Variants in PLCD4 observed in about 807,000 individuals in gnomAD.
PLCD4 encodes the protein 1-phosphatidylinositol 4,5-bisphosphate phosphodiesterase delta-4.
In PLCD4, 63 loss-of-function variants were observed where a neutral mutation model predicts 90.2. The ratio of observed to expected loss-of-function variants is 0.70; its 90% CI spans 0.57 to 0.86. The LOEUF is 0.86. Ranked by LOEUF, PLCD4 falls within the 40% of genes least tolerant of loss-of-function variation. The pLI is 0.00. For synonymous variants in PLCD4, 294 were observed against 356.5 expected (o/e 0.82, Z 1.97); for missense variants, 830 against 956.3 (o/e 0.87, Z 1.74).
chr2:218,633,963 A>G (rs1245192452), intron 11 of PLCD4, 142 bp from the exon 12 acceptor site: 2 of 1,272,748 alleles, frequency 1.6e-6, no homozygotes, highest in African/African-American at 3.0e-5. Flanking sequence ...GTCTGGATGG[A>G]CAGAGTAGAG....
chr2:218,615,654 C>T (rs1019297830), intron 1 of PLCD4, 53 bp from the exon 2 acceptor site: 10 of 1,457,558 alleles, frequency 6.9e-6, no homozygotes, highest in African/African-American at 1.4e-5. Context: ...AAATCAGCTA[C>T]AGACTATCTT....
intron 11 of PLCD4, 115 bp downstream of exon 11, chr2:218,633,876 GTT>G: frequency 2.7e-6 from 3 of 1,121,244 alleles, no homozygotes; most frequent in Non-Finnish European, 3.9e-6. Flanking sequence ...AGATGAAGGA[GTT>G]CAGAAACTCC....
At chr2:218,630,837 G>A in intron 9 of PLCD4, 35 bp downstream of exon 9, 1 of 1,569,540 alleles carries the variant, frequency 6.4e-7, no homozygotes, top group Non-Finnish European at 8.6e-7. Context: ...AGGCTCTGCT[G>A]TGGCTTCTGG....
At position 218,615,702 on chromosome 2, in the gene PLCD4, T is replaced by C; in HGVS notation, c.-33-5T>C. Reference sequence around the variant, plus strand: ...AGAGCCCTTTGCTCTTCCTTGCTCCTTTAGGTGATCTGGTGCCAGCTGGTG... The same window carrying C: ...AGAGCCCTTTGCTCTTCCTTGCTCCCTTAGGTGATCTGGTGCCAGCTGGTG... On this transcript the variant is annotated splice_polypyrimidine_tract_variant and splice_region_variant and intron_variant, in intron 1 of 15. Coordinates refer to ENST00000450993, the MANE Select transcript of PLCD4 (RefSeq NM_032726.4). 1 of 1,585,086 alleles carries C rather than the reference T, an allele frequency of 6.3e-7. No individual in the cohort carries two copies. The highest frequency in any genetic ancestry group is 1.8e-5 in the Admixed American group (1 of 54,808).
At chr2:218,617,294 C>A (rs62191565) in intron 3 of PLCD4, among the ~76,000 whole-genome samples, 5 of 148,774 alleles carry the variant, frequency 3.4e-5, no homozygotes, top group African/African-American at 1.2e-4. Flanking sequence ...ACAAAAAATG[C>A]GGCTGGGTGT....
intron 5 of PLCD4, 117 bp from the exon 6 acceptor site, chr2:218,622,530 T>A (rs1255737052): frequency 5.1e-6 from 3 of 586,718 alleles, no homozygotes; most frequent in Non-Finnish European, 8.7e-6. Flanking sequence ...TAATTTACTG[T>A]ATAAATATAT....
intron 6 of PLCD4, among the ~76,000 whole-genome samples, chr2:218,624,641 A>T (rs750922260): frequency 2.0e-5 from 3 of 149,812 alleles, no homozygotes; most frequent in Admixed American, 6.8e-5. Flanking sequence ...AATCGCTTGA[A>T]CTCGGGAGGT....
At chr2:218,610,507 C>CAA (rs35463933) in intron 1 of PLCD4, among the ~76,000 whole-genome samples, 3 of 147,626 alleles carry the variant, frequency 2.0e-5, no homozygotes, top group African/African-American at 7.5e-5. Context: ...CACTCCGTCT[C>CAA]AAAAAAAAAT....
chr2:218,629,651 G>A lies in PLCD4; in HGVS notation c.1107G>A (p.Gln369=). The A allele has an allele frequency of 6.2e-7, 1 of 1,613,432 alleles. No individual in the cohort carries two copies. The highest frequency in any genetic ancestry group is 1.1e-5 in the South Asian group (1 of 90,992). Residue 369 remains glutamine, a synonymous_variant, in exon 8 of 16, where the codon CAG becomes CAA. Transcript: ENST00000450993. ...LFKDVVATVA[Q]YAFQTSDYPV... is the part of the protein sequence containing the mutation. ...AAGATGTCGTGGCCACAGTAGCACA[G>A]TATGCCTTCCAGGTAGTAGCCCCAG...
At position 218,628,114 on chromosome 2, in the gene PLCD4, C is replaced by T. The variant is rs1214430097; in HGVS notation, c.858C>T (p.Leu286=). 6.2e-7 allele frequency: 1 copy of T among 1,614,010 alleles called. No individual in the cohort carries two copies. Among genetic ancestry groups the T allele is most frequent in the South Asian group, 1.1e-5 (1 of 91,082 alleles). The change falls in exon 7 of 16, where the codon CTC becomes CTT. Residue 286 remains leucine, a synonymous_variant. Transcript: ENST00000450993. ...GAGACATCTTCAACCCAGCCTGCCT[C>T]CCCATCTATCAGGATATGACTCAAC... The part of the protein sequence containing the change: ...KDGDIFNPAC[L]PIYQDMTQPL...
intron 3 of PLCD4, among the ~76,000 whole-genome samples, chr2:218,616,726 T>TATACACAC (rs1553571848): frequency 7.8e-6 from 1 of 128,776 alleles, no homozygotes; most frequent in Non-Finnish European, 1.6e-5. Context: ...AAAATACATA[T>TATACACAC]ATACATACAT....
chr2:218,633,471 T>G (rs1696508476), intron 10 of PLCD4, 134 bp from the exon 11 acceptor site: 1 of 1,063,146 alleles, frequency 9.4e-7, no homozygotes, highest in Non-Finnish European at 1.4e-6. Context: ...TCCCTTCTCT[T>G]GTCCCGGCAG....
rs571022057 is a variant in PLCD4 at position 218,636,135 on chromosome 2, C to T, written c.2033-108C>T. ...TGCTTACTCTGAGCCTTTTTCCTTACCTGTAAAATGCTGATTGCCATCTAG... is the reference window on the plus strand; with the variant it reads ...TGCTTACTCTGAGCCTTTTTCCTTATCTGTAAAATGCTGATTGCCATCTAG... On this transcript the variant is annotated intron_variant, in intron 14 of 15. Transcript: ENST00000450993. 5.7e-6 allele frequency: 8 copies of T among 1,403,086 alleles called. No homozygotes were observed. The Admixed American group carries it at 9.3e-5, about 16-fold the overall frequency. 86.9% of individuals were successfully genotyped at this position (1,403,086 alleles called of 1,614,324 possible).
intron 3 of PLCD4, among the ~76,000 whole-genome samples, chr2:218,618,331 C>A (rs1429852599): frequency 6.6e-6 from 1 of 152,234 alleles, no homozygotes. Context: ...TGGCTGGAAG[C>A]CATGTCTTGC....
Position 218,634,307 on chromosome 2 carries a change from T to C in PLCD4, c.1723+86T>C, listed in dbSNP as rs1696581341. On this transcript the variant is annotated intron_variant, in intron 12 of 15. Coordinates refer to ENST00000450993, the MANE Select transcript of PLCD4 (RefSeq NM_032726.4). The surrounding 1 kb of genome is among the most constrained non-coding windows in gnomAD (Gnocchi z 4.0). ...CTCTAGTGATGGTAGGGTTGGGGAA[T>C]GCTCAAGAAAATTGCTAGGCTGAGA... 3.8e-6 allele frequency: 6 copies of C among 1,571,516 alleles called. No homozygotes were observed. The highest frequency in any genetic ancestry group is 5.2e-6 in the Non-Finnish European group (6 of 1,158,368).
chr2:218,633,797 G>C, intron 11 of PLCD4, 36 bp downstream of exon 11: 1 of 1,609,602 alleles, frequency 6.2e-7, no homozygotes, highest in Non-Finnish European at 8.5e-7. Flanking sequence ...GAGGGAAGTG[G>C]GATGGATAGG....
chr2:218,625,989 A>G (rs1696100209), intron 6 of PLCD4, among the ~76,000 whole-genome samples: 1 of 151,890 alleles, frequency 6.6e-6, no homozygotes, highest in Non-Finnish European at 1.5e-5. Flanking sequence ...TCCACCAGGT[A>G]TGGTAGCTCA....
chr2:218,615,728 G>C lies in PLCD4; in HGVS notation c.-12G>C, dbSNP rs759716014. ...TTAGGTGATCTGGTGCCAGCTGGTGGAACAGTGGGTGATGGCGTCCCTGCT... is the reference window on the plus strand; with the variant it reads ...TTAGGTGATCTGGTGCCAGCTGGTGCAACAGTGGGTGATGGCGTCCCTGCT... On this transcript the variant is annotated 5_prime_UTR_variant, in exon 2 of 16. Coordinates refer to ENST00000450993, the MANE Select transcript of PLCD4 (RefSeq NM_032726.4). 6.2e-7 allele frequency: 1 copy of C among 1,602,968 alleles called. No homozygotes were observed. The highest frequency in any genetic ancestry group is 1.7e-5 in the Admixed American group (1 of 58,136).
At chr2:218,632,335 G>A (rs758437964) in intron 10 of PLCD4, 23 bp downstream of exon 10, 1 of 1,586,088 alleles carries the variant, frequency 6.3e-7, no homozygotes, top group Non-Finnish European at 8.6e-7. Context: ...TGGTCTTTCT[G>A]CTGTGGTATT....
Sources: allele counts gnomAD v4.1 joint callset (sites outside exome capture counted in the v4.1 genomes callset), GRCh38; gene constraint gnomAD v4.1.1; non-coding constraint Gnocchi (gnomAD v3.1); transcripts MANE v1.5; gene names NCBI Gene and HGNC (gene_info 2026-07-23, HGNC 2026-07-21).